Variants in NOL10 observed in about 807,000 individuals in gnomAD.
The protein encoded by NOL10 is nucleolar protein 10.
A neutral mutation model predicts 103.5 loss-of-function variants in NOL10; 58 were observed. That is an observed-to-expected ratio of 0.56 (90% CI 0.45 to 0.70). NOL10 has a LOEUF of 0.70. Ranked by LOEUF, NOL10 falls within the 30% of genes least tolerant of loss-of-function variation. The pLI, the probability that NOL10 is intolerant of heterozygous loss-of-function variation, is 0.00. For missense variants in NOL10, 763 were observed against 807.3 expected (o/e 0.95, Z 0.67); for synonymous variants, 287 against 282.5 (o/e 1.02, Z -0.16).
chr2:10,677,726 G>A (rs1346287945), intron 3 of NOL10, among the ~76,000 whole-genome samples: 1 of 152,076 alleles, frequency 6.6e-6, no homozygotes, highest in South Asian at 2.1e-4. Context: ...ACCCACCTCA[G>A]CCTCCCAAAG....
intron 20 of NOL10, among the ~76,000 whole-genome samples, chr2:10,573,927 C>A (rs1397773592): frequency 6.6e-6 from 1 of 152,094 alleles, no homozygotes; most frequent in Non-Finnish European, 1.5e-5. Flanking sequence ...TTCAAATATC[C>A]CTTGAGGCAA....
intron 16 of NOL10, among the ~76,000 whole-genome samples, chr2:10,601,712 G>A (rs1675984695): frequency 6.6e-6 from 1 of 152,178 alleles, no homozygotes; most frequent in Non-Finnish European, 1.5e-5. Flanking sequence ...TACTTGGGAG[G>A]CTGAGGTGGG....
rs978252086 is a variant in NOL10 at position 10,689,921 on chromosome 2, T to G, written c.-60A>C. ...TTCCCACCAGCGTGCTCGAGCACCG[T>G]AATCCCGGGACCTCCGAGCCCCTGC... On this transcript the variant is annotated 5_prime_UTR_variant, in exon 1 of 21. Coordinates refer to ENST00000381685, the MANE Select transcript of NOL10 (RefSeq NM_024894.4). The G allele has an allele frequency of 4.0e-6, 6 of 1,505,278 alleles. No homozygotes were observed. Among genetic ancestry groups the G allele is most frequent in the Non-Finnish European group, 2.7e-6 (3 of 1,102,924 alleles). The allele number at this position is 1,505,278 out of a possible 1,614,324, so 93.2% of individuals were successfully genotyped here.
intron 5 of NOL10, chr2:10,673,307 T>C (rs550791133): frequency 5.2e-6 from 2 of 383,858 alleles, no homozygotes; most frequent in Admixed American, 4.6e-5. Context: ...CCTTTGATAT[T>C]AGATTGGCCA....
At chr2:10,647,475 T>A (rs1446248116) in intron 12 of NOL10, among the ~76,000 whole-genome samples, 2 of 152,262 alleles carry the variant, frequency 1.3e-5, no homozygotes, top group African/African-American at 4.8e-5. Context: ...TAGTAATTCA[T>A]TTGTATTGTC....
chr2:10,668,511 T>C, intron 7 of NOL10, 147 bp downstream of exon 7: 1 of 387,128 alleles, frequency 2.6e-6, no homozygotes, highest in Admixed American at 4.2e-5. Context: ...GAATTTTTTG[T>C]CTGAGAATAA....
intron 6 of NOL10, among the ~76,000 whole-genome samples, chr2:10,669,857 A>G (rs1680814598): frequency 6.6e-6 from 1 of 151,558 alleles, no homozygotes; most frequent in African/African-American, 2.4e-5. Context: ...GCACCACTGC[A>G]CTCCAGCCTG....
intron 3 of NOL10, among the ~76,000 whole-genome samples, chr2:10,677,366 A>C (rs1681384737): frequency 6.6e-6 from 1 of 152,220 alleles, no homozygotes; most frequent in African/African-American, 2.4e-5. Flanking sequence ...ACATCTTAAA[A>C]ATAAAAGAAT....
At chr2:10,630,783 T>G (rs1485646921) in intron 13 of NOL10, among the ~76,000 whole-genome samples, 1 of 152,174 alleles carries the variant, frequency 6.6e-6, no homozygotes, top group Non-Finnish European at 1.5e-5. Flanking sequence ...CTGGACTAGA[T>G]GACCTTGGAG....
chr2:10,643,925 T>G (rs971003146), intron 13 of NOL10, among the ~76,000 whole-genome samples: 2 of 152,158 alleles, frequency 1.3e-5, no homozygotes, highest in Non-Finnish European at 2.9e-5. Context: ...CAGCCACATG[T>G]AGACCCAGGT....
At chr2:10,635,537 T>C (rs1321861886) in intron 13 of NOL10, among the ~76,000 whole-genome samples, 2 of 152,184 alleles carry the variant, frequency 1.3e-5, no homozygotes, top group Non-Finnish European at 2.9e-5. Context: ...AGGGGGCTGA[T>C]AAAATATCTA....
chr2:10,622,270 A>G (rs529492888), intron 13 of NOL10: 6 of 440,738 alleles, frequency 1.4e-5, no homozygotes, highest in Non-Finnish European at 2.8e-5. Context: ...GTGCTGACCA[A>G]AATGATATTG....
chr2:10,582,271 A>C (rs754371867), intron 19 of NOL10, among the ~76,000 whole-genome samples: 1 of 152,210 alleles, frequency 6.6e-6, no homozygotes. Context: ...AAAGCTACCA[A>C]GCTACCCGGT....
chr2:10,680,970 G>A (rs1431511213), intron 3 of NOL10, among the ~76,000 whole-genome samples: 1 of 152,142 alleles, frequency 6.6e-6, no homozygotes, highest in Non-Finnish European at 1.5e-5. Context: ...AGAAAATCAT[G>A]TTATAAGTGA....
chr2:10,613,923 C>A (rs1028471410), intron 13 of NOL10, among the ~76,000 whole-genome samples: 1 of 150,922 alleles, frequency 6.6e-6, no homozygotes, highest in Non-Finnish European at 1.5e-5. Context: ...GCACTAGCAA[C>A]CCACACTCTA....
chr2:10,570,763 C>T lies in NOL10; in HGVS notation c.*1308G>A, dbSNP rs547248903. ...TTTCTTGGAGTCTTTCTCAAAGAAG[C>T]TATTCAAATGAAAGTATATTTATTT... On this transcript the variant is annotated 3_prime_UTR_variant, in exon 21 of 21. Coordinates refer to ENST00000381685, the MANE Select transcript of NOL10 (RefSeq NM_024894.4). The T allele has an allele frequency of 6.6e-6, 1 of 151,896 alleles. No homozygotes were observed. Among genetic ancestry groups the T allele is most frequent in the East Asian group, 1.9e-4 (1 of 5,178 alleles). 9.4% of individuals were successfully genotyped at this position (151,896 alleles called of 1,614,324 possible). A position where few individuals can be genotyped will look rare whatever the true frequency, so the allele number is the denominator to read the frequency against.
At chr2:10,597,320 C>G (rs953459027) in intron 17 of NOL10, among the ~76,000 whole-genome samples, 5 of 152,112 alleles carry the variant, frequency 3.3e-5, no homozygotes, top group Non-Finnish European at 7.4e-5. Context: ...TTCACTGTCT[C>G]CAATAAATTT....
intron 17 of NOL10, among the ~76,000 whole-genome samples, chr2:10,600,459 C>T (rs1675914525): frequency 2.0e-5 from 3 of 152,152 alleles, no homozygotes; most frequent in Admixed American, 2.0e-4. Context: ...ATTATAATCA[C>T]TTCATAAAAC....
rs189434356 is a variant in NOL10 at position 10,591,638 on chromosome 2, C to T, written c.1423-1887G>A. On this transcript the variant is annotated intron_variant, in intron 17 of 20. Coordinates refer to ENST00000381685, the MANE Select transcript of NOL10 (RefSeq NM_024894.4). ...AGAGGAAGAGAAAAAGGAAGAGAAA[C>T]GAAGGAGGGAGACAGGGAAGGAGGG... is the stretch of plus-strand genomic sequence containing the variant. Among the ~76,000 whole-genome samples, 55 of 151,816 alleles carry T rather than the reference C, an allele frequency of 3.6e-4. 1 individual carries two copies. Among genetic ancestry groups the T allele is most frequent in the Admixed American group, 2.4e-3 (37 of 15,262 alleles).
Sources: gnomAD v4.1 joint callset for allele counts (sites outside exome capture counted in the v4.1 genomes callset) on GRCh38, gnomAD v4.1.1 for gene constraint, MANE v1.5 for transcripts, NCBI Gene and HGNC (gene_info 2026-07-23, HGNC 2026-07-21) for gene names.